SLC18A2: variants seen among roughly 807,000 people sequenced by gnomAD.
The protein encoded by SLC18A2 is solute carrier family 18 member A2, also known as synaptic vesicular amine transporter.
SLC18A2 carries 33 observed loss-of-function variants against 59.2 expected under a neutral mutation model. That is an observed-to-expected ratio of 0.56 (90% CI 0.42 to 0.75). SLC18A2 has a LOEUF of 0.75. SLC18A2 is among the 30% of genes least tolerant of loss of function. SLC18A2 has a pLI of 0.00. For missense variants in SLC18A2, 569 were observed against 668.6 expected (o/e 0.85, Z 1.64); for synonymous variants, 228 against 253.5 (o/e 0.90, Z 0.95).
chr10:117,241,598 C>T, intron 1 of SLC18A2, 81 bp from the exon 2 acceptor site: 1 of 1,396,790 alleles, frequency 7.2e-7, no homozygotes, highest in South Asian at 1.5e-5. Flanking sequence ...GGCTCCCTGA[C>T]CCGCCCTTCC....
intron 3 of SLC18A2, among the ~76,000 whole-genome samples, chr10:117,247,750 G>A (rs1383868802): frequency 6.6e-6 from 1 of 152,180 alleles, no homozygotes; most frequent in African/African-American, 2.4e-5. Context: ...AACTGGTCCA[G>A]CCTCGTGCAT....
At chr10:117,241,535 C>G in intron 1 of SLC18A2, 144 bp from the exon 2 acceptor site, 1 of 854,890 alleles carries the variant, frequency 1.2e-6, no homozygotes, top group Non-Finnish European at 1.7e-6. Flanking sequence ...GCGCTCGAGG[C>G]AGGTGAGCCG....
intron 15 of SLC18A2, among the ~76,000 whole-genome samples, chr10:117,276,630 A>AAAAAAAAAAAAGAAAG (rs1445853665): frequency 4.5e-5 from 1 of 22,310 alleles, no homozygotes; most frequent in South Asian, 1.3e-3. Context: ...AAAAAAAAAA[A>AAAAAAAAAAAAGAAAG]AAAGAAAGAA....
chr10:117,268,985 T>C (rs61867775), intron 13 of SLC18A2, among the ~76,000 whole-genome samples: 121,348 of 151,352 alleles, frequency 0.8, 49,264 homozygotes, highest in Non-Finnish European at 0.88. Context: ...AACACACACA[T>C]TCATACACAC....
In SLC18A2 at chr10:117,270,122, G is replaced by T; in HGVS notation, c.1238G>T (p.Arg413Leu). ...MPIMGYLVDL[R>L]HVSVYGSVYA... ...ATCATGGGCTACCTCGTAGACCTGCGGCACGTGTCCGTCTATGGGAGTGTG... is the reference window on the plus strand; with the variant it reads ...ATCATGGGCTACCTCGTAGACCTGCTGCACGTGTCCGTCTATGGGAGTGTG... The change falls in exon 14 of 16, where the codon CGG (arginine) becomes CTG (leucine). Residue 413 changes from arginine (R) to leucine (L), a missense_variant. By Grantham distance (102) the Arg-to-Leu change is moderately radical. Coordinates refer to ENST00000644641, the MANE Select transcript of SLC18A2 (RefSeq NM_003054.6). 6.2e-7 allele frequency: 1 copy of T among 1,614,188 alleles called. No homozygotes were observed. Among genetic ancestry groups the T allele is most frequent in the Non-Finnish European group, 8.5e-7 (1 of 1,180,040 alleles).
intron 13 of SLC18A2, chr10:117,268,521 C>A (rs1844375771): frequency 6.6e-6 from 1 of 152,308 alleles, no homozygotes; most frequent in Admixed American, 6.5e-5. Context: ...GGGTGCTAGT[C>A]CTCTGGCGGC....
intron 3 of SLC18A2, among the ~76,000 whole-genome samples, chr10:117,250,165 C>G (rs1462878251): frequency 6.6e-6 from 1 of 152,154 alleles, no homozygotes; most frequent in Non-Finnish European, 1.5e-5. Flanking sequence ...AGGAGCTTCC[C>G]AGGGAGTCTT....
Position 117,241,842 on chromosome 10 carries a change from C to T in SLC18A2, c.121+28C>T, listed in dbSNP as rs187974581. 8.4e-5 allele frequency: 133 copies of T among 1,589,078 alleles called. No individual in the cohort carries two copies. The East Asian group carries it at 2.8e-3, about 33-fold the overall frequency. On this transcript the variant is annotated intron_variant, in intron 2 of 15. Transcript: ENST00000644641. ...ACGTGCGGACAGGGCACCCCTGCCCCGGCACCCCAGCCCCAGCGCCCCTTC... is the reference window on the plus strand; with the variant it reads ...ACGTGCGGACAGGGCACCCCTGCCCTGGCACCCCAGCCCCAGCGCCCCTTC...
Position 117,269,162 on chromosome 10 carries a change from TACAC to T in SLC18A2, c.1187-905_1187-902del, listed in dbSNP as rs140277762. 4.6e-4 allele frequency among the ~76,000 whole-genome samples: 69 copies of T among 150,942 alleles called. No homozygotes were observed. The highest frequency in any genetic ancestry group is 1.3e-3 in the African/African-American group (55 of 41,002). ...ACCCACCCACATACATATGCACACA[TACAC>T]ACATACATATACACACATACACACA... On this transcript the variant is annotated intron_variant, in intron 13 of 15. Coordinates refer to ENST00000644641, the MANE Select transcript of SLC18A2 (RefSeq NM_003054.6). This position sits in a 1 kb window ranked among gnomAD's most constrained non-coding sequence, Gnocchi z 5.1.
chr10:117,242,311 C>A (rs192578271), intron 2 of SLC18A2, among the ~76,000 whole-genome samples: 1 of 152,240 alleles, frequency 6.6e-6, no homozygotes, highest in East Asian at 1.9e-4. Context: ...GGAACCATTG[C>A]AAGAACAATT....
intron 15 of SLC18A2, among the ~76,000 whole-genome samples, chr10:117,276,613 C>CAAAAA (rs1161850365): frequency 1.2e-3 from 57 of 46,408 alleles, no homozygotes; most frequent in East Asian, 2.9e-3. Context: ...GACTTCATCT[C>CAAAAA]AAAAAAAAAA....
intron 9 of SLC18A2, 152 bp from the exon 10 acceptor site, chr10:117,257,645 C>A: frequency 2.3e-6 from 1 of 433,998 alleles, no homozygotes; most frequent in Non-Finnish European, 4.1e-6. Flanking sequence ...TTATGATAAA[C>A]AGCCTTTGCT....
At chr10:117,241,837 T>A (rs761109096) in intron 2 of SLC18A2, 23 bp downstream of exon 2, 68 of 1,593,236 alleles carry the variant, frequency 4.3e-5, no homozygotes, top group African/African-American at 5.5e-5. Flanking sequence ...AGGGCACCCC[T>A]GCCCCGGCAC....
rs2071882004 is a variant in SLC18A2 at position 117,269,128 on chromosome 10, C to T, written c.1187-943C>T. 6.7e-6 allele frequency among the ~76,000 whole-genome samples: 1 copy of T among 150,066 alleles called. No individual in the cohort carries two copies. Among genetic ancestry groups the T allele is most frequent in the Admixed American group, 6.7e-5 (1 of 15,004 alleles). The stretch of plus-strand genomic sequence containing the variant: ...ATACATACACGTAGATACACATACA[C>T]ATACAAACACCCACCCACATACATA... On this transcript the variant is annotated intron_variant, in intron 13 of 15. Transcript: ENST00000644641. The surrounding 1 kb of genome is among the most constrained non-coding windows in gnomAD (Gnocchi z 5.1).
chr10:117,278,102 C>G lies in SLC18A2; in HGVS notation c.*836C>G, dbSNP rs932852417. ...CCTTATACTGTCAAGGTTGTTTAAA[C>G]ATGATAAGGTTAATCGCCATCTACT... is the stretch of plus-strand genomic sequence containing the variant. On this transcript the variant is annotated 3_prime_UTR_variant, in exon 16 of 16. Transcript: ENST00000644641. 14 of 152,124 alleles carry G rather than the reference C, an allele frequency of 9.2e-5. No individual in the cohort carries two copies. The highest frequency in any genetic ancestry group is 3.4e-4 in the African/African-American group (14 of 41,434). The allele number at this position is 152,124 out of a possible 1,614,324, so 9.4% of individuals were successfully genotyped here. A position where few individuals can be genotyped will look rare whatever the true frequency, so the allele number is the denominator to read the frequency against.
chr10:117,279,323 A>C lies in SLC18A2; in HGVS notation c.*2057A>C, dbSNP rs1589990183. The C allele has an allele frequency of 6.6e-6, 1 of 152,210 alleles. No homozygotes were observed. The highest frequency in any genetic ancestry group is 1.9e-4 in the East Asian group (1 of 5,198). 9.4% of individuals were successfully genotyped at this position (152,210 alleles called of 1,614,324 possible). A position where few individuals can be genotyped will look rare whatever the true frequency, so the allele number is the denominator to read the frequency against. On this transcript the variant is annotated 3_prime_UTR_variant, in exon 16 of 16. Transcript: ENST00000644641. ...GGTTTTTATGTTTGGACCTGGTAAT[A>C]CAGATACAAAAACTTTAATGAGGTA...
chr10:117,265,333 G>T, intron 10 of SLC18A2, among the ~76,000 whole-genome samples: 1 of 152,104 alleles, frequency 6.6e-6, no homozygotes, highest in East Asian at 1.9e-4. Context: ...ACTTGCCCGT[G>T]AGTGTGTGGC....
intron 15 of SLC18A2, among the ~76,000 whole-genome samples, chr10:117,274,339 C>T (rs918745116): frequency 6.6e-6 from 1 of 152,124 alleles, no homozygotes; most frequent in Non-Finnish European, 1.5e-5. Flanking sequence ...ATGCATGATG[C>T]CAAATAGTCT....
In SLC18A2 at chr10:117,277,761, A is replaced by G. The variant is rs1844520414; in HGVS notation, c.*495A>G. ...TGACACTGAATGTTATTTAACTTGT[A>G]GTTACTATCAATATATTTATGCGTT... On this transcript the variant is annotated 3_prime_UTR_variant, in exon 16 of 16. Transcript: ENST00000644641. 6.6e-6 allele frequency: 1 copy of G among 152,302 alleles called. No homozygotes were observed. Among genetic ancestry groups the G allele is most frequent in the African/African-American group, 2.4e-5 (1 of 41,462 alleles). The allele number at this position is 152,302 out of a possible 1,614,324, so 9.4% of individuals were successfully genotyped here.
Sources: allele counts gnomAD v4.1 joint callset (sites outside exome capture counted in the v4.1 genomes callset), GRCh38; gene constraint gnomAD v4.1.1; non-coding constraint Gnocchi (gnomAD v3.1); transcripts MANE v1.5; gene names NCBI Gene and HGNC (gene_info 2026-07-23, HGNC 2026-07-21).